PITPNC1: variants seen among roughly 807,000 people sequenced by gnomAD.
The protein encoded by PITPNC1 is phosphatidylinositol transfer protein cytoplasmic 1.
PITPNC1 carries 18 observed loss-of-function variants against 44.7 expected under a neutral mutation model. The observed-to-expected ratio is 0.40, with a 90% CI of 0.28 to 0.60. PITPNC1 has a LOEUF of 0.60. PITPNC1 is among the 20% of genes least tolerant of loss of function. The probability of loss-of-function intolerance (pLI) is 0.39; values close to 1 mark genes in which losing one functional copy is unlikely to be tolerated. For synonymous variants in PITPNC1, 141 were observed against 149.6 expected, an observed-to-expected ratio of 0.94 and a Z score of 0.42; for missense variants, 290 against 418.4, an observed-to-expected ratio of 0.69 and a Z score of 2.68.
At chr17:67,417,833 A>G (rs2038610658) in intron 1 of PITPNC1, among the ~76,000 whole-genome samples, 1 of 152,028 alleles carries the variant, frequency 6.6e-6, no homozygotes, top group Admixed American at 6.6e-5. Flanking sequence ...TCTTGAGCCC[A>G]GGAGTTTGAG....
Position 67,669,701 on chromosome 17 carries a change from G to T in PITPNC1, c.618+38G>T, listed in dbSNP as rs773955032. ...ACAGCAGTTCCTGGGCTGTGGACAA[G>T]GTAACTGTCTATATTGCCAAATTGG... is the stretch of plus-strand genomic sequence containing the variant. On this transcript the variant is annotated intron_variant, in intron 7 of 8. Coordinates refer to ENST00000581322, the MANE Select transcript of PITPNC1 (RefSeq NM_012417.4). 4 of 1,481,514 alleles carry T rather than the reference G, an allele frequency of 2.7e-6. No individual in the cohort carries two copies. In the East Asian group the frequency reaches 7.2e-5, roughly 27 times the overall value. The allele number at this position is 1,481,514 out of a possible 1,614,324, so 91.8% of individuals were successfully genotyped here.
At position 67,382,953 on chromosome 17, in the gene PITPNC1, G is replaced by A. The variant is rs1017507473; in HGVS notation, c.48+4751G>A. Among the ~76,000 whole-genome samples the A allele has an allele frequency of 4.6e-5, 7 of 152,012 alleles. No homozygotes were observed. In the East Asian group the frequency reaches 7.8e-4, roughly 17 times the overall value. ...TTCTAGAGTTTTAGACTTAGAAGGCGTATTGGAGATGATTTATAATTGAGC... is the reference window on the plus strand; with the variant it reads ...TTCTAGAGTTTTAGACTTAGAAGGCATATTGGAGATGATTTATAATTGAGC... On this transcript the variant is annotated intron_variant, in intron 1 of 8. Transcript: ENST00000581322.
intron 6 of PITPNC1, among the ~76,000 whole-genome samples, chr17:67,658,706 T>G (rs984300127): frequency 6.6e-6 from 1 of 152,172 alleles, no homozygotes; most frequent in African/African-American, 2.4e-5. Context: ...CTTTGTTTGC[T>G]GGGTTGTCTC....
At chr17:67,647,464 G>GTTTTTTTTGTTTTTT (rs2042162118) in intron 6 of PITPNC1, among the ~76,000 whole-genome samples, 6 of 72,324 alleles carry the variant, frequency 8.3e-5, no homozygotes, top group African/African-American at 2.7e-4. Context: ...CTAATTTTGG[G>GTTTTTTTTGTTTTTT]TTTTTTTTTT....
At chr17:67,675,570 T>C (rs749009010) in intron 8 of PITPNC1, 28 bp downstream of exon 8, 7 of 1,459,966 alleles carry the variant, frequency 4.8e-6, no homozygotes, top group Non-Finnish European at 4.8e-6. Context: ...AAATAACTTG[T>C]AGAACAACTT....
intron 5 of PITPNC1, among the ~76,000 whole-genome samples, chr17:67,578,644 T>C (rs190161973): frequency 5.9e-5 from 9 of 152,304 alleles, no homozygotes; most frequent in African/African-American, 1.9e-4. Context: ...CAAAGATATG[T>C]GTACACAGAA....
Position 67,399,125 on chromosome 17 carries a change from C to G in PITPNC1, c.48+20923C>G, listed in dbSNP as rs529529652. 2.0e-5 allele frequency among the ~76,000 whole-genome samples: 3 copies of G among 151,292 alleles called. No individual in the cohort carries two copies. The South Asian group carries it at 6.3e-4, about 32-fold the overall frequency. Reference sequence around the variant, plus strand: ...CGCCTCCTGGGTTCAAGCGATTCTCCTGCCTCAGCCTCCCGAGTAGCTGGG... The same window carrying G: ...CGCCTCCTGGGTTCAAGCGATTCTCGTGCCTCAGCCTCCCGAGTAGCTGGG... On this transcript the variant is annotated intron_variant, in intron 1 of 8. Coordinates refer to ENST00000581322, the MANE Select transcript of PITPNC1 (RefSeq NM_012417.4).
At chr17:67,595,248 G>A (rs1344319489) in intron 5 of PITPNC1, among the ~76,000 whole-genome samples, 1 of 152,152 alleles carries the variant, frequency 6.6e-6, no homozygotes, top group Non-Finnish European at 1.5e-5. Context: ...GGCCTGGAAG[G>A]TTGTTTGTTA....
intron 1 of PITPNC1, among the ~76,000 whole-genome samples, chr17:67,521,806 C>T (rs927726386): frequency 9.2e-5 from 14 of 152,270 alleles, no homozygotes; most frequent in Admixed American, 4.6e-4. Flanking sequence ...CAACTGGAGA[C>T]GGTCGACTGT....
Position 67,494,185 on chromosome 17 carries a change from T to TTCTTTCTTTTTC in PITPNC1, c.49-38616_49-38615insCTTTCTTTTTCT. Among the ~76,000 whole-genome samples the TTCTTTCTTTTTC allele has an allele frequency of 1.8e-3, 184 of 102,498 alleles. 5 individuals are homozygous for TTCTTTCTTTTTC. Among genetic ancestry groups the TTCTTTCTTTTTC allele is most frequent in the African/African-American group, 5.8e-3 (154 of 26,482 alleles). 67.2% of individuals were successfully genotyped at this position (102,498 alleles called of 152,430 possible). On this transcript the variant is annotated intron_variant, in intron 1 of 8. Coordinates refer to ENST00000581322, the MANE Select transcript of PITPNC1 (RefSeq NM_012417.4). ...CCTCTTTCTTTCTTTCTTTCTTTCT[T>TTCTTTCTTTTTC]TTTCTTTCTTTCTTTCTTTCTTTCT...
At chr17:67,409,665 A>G (rs2038462769) in intron 1 of PITPNC1, among the ~76,000 whole-genome samples, 1 of 151,884 alleles carries the variant, frequency 6.6e-6, no homozygotes, top group Non-Finnish European at 1.5e-5. Flanking sequence ...CAGCCTCCCA[A>G]GTAGCTGGGA....
At chr17:67,577,806 TC>T (rs1439101430) in intron 4 of PITPNC1, among the ~76,000 whole-genome samples, 6 of 152,172 alleles carry the variant, frequency 3.9e-5, no homozygotes, top group Admixed American at 1.3e-4. Context: ...TAAGGCTGGG[TC>T]CCCAGGAATC....
At chr17:67,413,087 C>T (rs1278604420) in intron 1 of PITPNC1, among the ~76,000 whole-genome samples, 1 of 152,160 alleles carries the variant, frequency 6.6e-6, no homozygotes, top group African/African-American at 2.4e-5. Context: ...TTTCTTGTTC[C>T]TCTTTTTCTG....
chr17:67,679,011 C>T (rs1458029477), intron 8 of PITPNC1, among the ~76,000 whole-genome samples: 1 of 152,242 alleles, frequency 6.6e-6, no homozygotes, highest in Non-Finnish European at 1.5e-5. Context: ...CACCCCAAAC[C>T]TACTGACTCA....
intron 4 of PITPNC1, among the ~76,000 whole-genome samples, chr17:67,576,641 C>A (rs79131349): frequency 0.027 from 4,036 of 152,246 alleles, 87 homozygotes; most frequent in Middle Eastern, 0.044. Flanking sequence ...CGTGGTTACA[C>A]CAACATCCAT....
At chr17:67,671,338 T>C (rs529447361) in intron 7 of PITPNC1, among the ~76,000 whole-genome samples, 1 of 152,204 alleles carries the variant, frequency 6.6e-6, no homozygotes, top group Non-Finnish European at 1.5e-5. Context: ...TAAGAATAAA[T>C]ACTACCCAAA....
chr17:67,421,654 T>G (rs1242569472), intron 1 of PITPNC1, among the ~76,000 whole-genome samples: 1 of 152,162 alleles, frequency 6.6e-6, no homozygotes, highest in Non-Finnish European at 1.5e-5. Context: ...AAGGCTGGGT[T>G]GCTGTGTCAG....
intron 5 of PITPNC1, among the ~76,000 whole-genome samples, chr17:67,628,387 T>C (rs918397720): frequency 4.6e-5 from 7 of 152,056 alleles, no homozygotes; most frequent in Non-Finnish European, 8.8e-5. Flanking sequence ...AATCAGGAGA[T>C]AGAAACCATG....
chr17:67,573,666 G>C (rs1219208180), intron 4 of PITPNC1, among the ~76,000 whole-genome samples: 1 of 146,452 alleles, frequency 6.8e-6, no homozygotes, highest in East Asian at 2.1e-4. Flanking sequence ...GGGTTCAAGC[G>C]ATTCTTCCCG....
Sources: allele counts gnomAD v4.1 joint callset (sites outside exome capture counted in the v4.1 genomes callset), GRCh38; gene constraint gnomAD v4.1.1; transcripts MANE v1.5; gene names NCBI Gene and HGNC (gene_info 2026-07-23, HGNC 2026-07-21).